SMARCE1: variants seen among roughly 807,000 people sequenced by gnomAD.
SMARCE1 encodes the protein SWI/SNF-related matrix-associated actin-dependent regulator of chromatin subfamily E member 1.
Under a neutral mutation model 54.9 loss-of-function variants are expected in SMARCE1, and 13 were observed. The ratio of observed to expected loss-of-function variants is 0.24; its 90% CI spans 0.15 to 0.38. The LOEUF (loss-of-function observed/expected upper bound fraction) is 0.38. Among genes scored for constraint, SMARCE1 ranks in the 10% least tolerant of loss-of-function variants. SMARCE1 has a pLI of 1.00. For synonymous variants in SMARCE1, 151 were observed against 175.3 expected, an observed-to-expected ratio of 0.86 and a Z score of 1.10; for missense variants, 295 against 523.8, an observed-to-expected ratio of 0.56 and a Z score of 4.26.
At position 40,642,442 on chromosome 17, in the gene SMARCE1, T is replaced by G. The variant is rs1334274303; in HGVS notation, c.156+13A>C. On this transcript the variant is annotated intron_variant, in intron 4 of 10. Transcript: ENST00000348513. This position sits in a 1 kb window ranked among gnomAD's most constrained non-coding sequence, Gnocchi z 4.6. The stretch of plus-strand genomic sequence containing the variant: ...AGTTGTTTGCCGGATGCTGTAATAG[T>G]TGATTCTCCTACCGTGACCCGGCTG... 6.7e-7 allele frequency: 1 copy of G among 1,484,694 alleles called. No individual in the cohort carries two copies. The highest frequency in any genetic ancestry group is 1.7e-5 in the Admixed American group (1 of 59,870). 92.0% of individuals were successfully genotyped at this position (1,484,694 alleles called of 1,614,324 possible). A position where few individuals can be genotyped will look rare whatever the true frequency, so the allele number is the denominator to read the frequency against.
At chr17:40,633,515 A>T (rs1320792554) in intron 7 of SMARCE1, 2 of 152,068 alleles carry the variant, frequency 1.3e-5, no homozygotes, top group African/African-American at 4.8e-5. Flanking sequence ...CCACTTAATC[A>T]CCTCAGTGAC....
Position 40,644,703 on chromosome 17 carries a change from C to T in SMARCE1, c.51+873G>A, listed in dbSNP as rs573958500. 59 of 151,988 alleles carry T rather than the reference C, an allele frequency of 3.9e-4. 1 individual carries two copies. The highest frequency in any genetic ancestry group is 1.6e-3 in the Admixed American group (24 of 15,286). The allele number at this position is 151,988 out of a possible 1,614,324, so 9.4% of individuals were successfully genotyped here. A position where few individuals can be genotyped will look rare whatever the true frequency, so the allele number is the denominator to read the frequency against. On this transcript the variant is annotated intron_variant, in intron 3 of 10. Coordinates refer to ENST00000348513, the MANE Select transcript of SMARCE1 (RefSeq NM_003079.5). ...TTAGTAAATATGAGTAGTTTTTTAGCGGAGAAAACTAAGTTACACAAGGAC... is the reference window on the plus strand; with the variant it reads ...TTAGTAAATATGAGTAGTTTTTTAGTGGAGAAAACTAAGTTACACAAGGAC...
chr17:40,637,749 A>G, intron 4 of SMARCE1, 177 bp from the exon 5 acceptor site: 1 of 590,034 alleles, frequency 1.7e-6, no homozygotes, highest in Non-Finnish European at 3.0e-6. Context: ...GACTTTAAGC[A>G]CATAATTTTT....
At chr17:40,643,688 A>T (rs1255385620) in intron 3 of SMARCE1, 1 of 152,242 alleles carries the variant, frequency 6.6e-6, no homozygotes, top group African/African-American at 2.4e-5. Flanking sequence ...CACTTAACAC[A>T]TTCCAACTAA....
In SMARCE1 at chr17:40,625,514, G is replaced by C. The variant is rs2037026356; in HGVS notation, c.*3271C>G. The stretch of plus-strand genomic sequence containing the variant: ...GGGAGACCATGTGTGGTAGTGCTTG[G>C]GGGTGGAGGGAAACTATTTCTGAAA... On this transcript the variant is annotated 3_prime_UTR_variant, in exon 11 of 11. Coordinates refer to ENST00000348513, the MANE Select transcript of SMARCE1 (RefSeq NM_003079.5). The C allele has an allele frequency of 6.6e-6, 1 of 152,206 alleles. No homozygotes were observed. Among genetic ancestry groups the C allele is most frequent in the African/African-American group, 2.4e-5 (1 of 41,436 alleles). 9.4% of individuals were successfully genotyped at this position (152,206 alleles called of 1,614,324 possible).
At chr17:40,646,265 A>C (rs549579091) in intron 1 of SMARCE1, among the ~76,000 whole-genome samples, 1 of 152,362 alleles carries the variant, frequency 6.6e-6, no homozygotes, top group South Asian at 2.1e-4. Flanking sequence ...TTTTGGGATA[A>C]CAATTTTTAT....
rs7224919 is a variant in SMARCE1 at position 40,626,091 on chromosome 17, G to A, written c.*2694C>T. 0.45 allele frequency: 67,626 copies of A among 151,840 alleles called. 15,407 individuals carry two copies. Among genetic ancestry groups the A allele is most frequent in the Non-Finnish European group, 0.51 (34,959 of 67,926 alleles). 9.4% of individuals were successfully genotyped at this position (151,840 alleles called of 1,614,324 possible). On this transcript the variant is annotated 3_prime_UTR_variant, in exon 11 of 11. Transcript: ENST00000348513. ...AAAATACAAAAATTAGCCGGGCGTG[G>A]TGGCGGGCGCCTGTAATCCCAGCTA...
chr17:40,636,915 TATA>T (rs998333661), intron 5 of SMARCE1: 7 of 162,592 alleles, frequency 4.3e-5, no homozygotes, highest in African/African-American at 1.7e-4. Context: ...CAAATACAAA[TATA>T]ATAGTCAAGA....
At position 40,627,878 on chromosome 17, in the gene SMARCE1, T is replaced by C. The variant is rs2037051329; in HGVS notation, c.*907A>G. Reference sequence around the variant, plus strand: ...CTAAGTTTATCAAAAAGGTGGGCTCTGGTCTATGGGATCCTGAGCCTTGAG... The same window carrying C: ...CTAAGTTTATCAAAAAGGTGGGCTCCGGTCTATGGGATCCTGAGCCTTGAG... On this transcript the variant is annotated 3_prime_UTR_variant, in exon 11 of 11. Transcript: ENST00000348513. 6.5e-6 allele frequency: 1 copy of C among 152,686 alleles called. No homozygotes were observed. Among genetic ancestry groups the C allele is most frequent in the African/African-American group, 2.4e-5 (1 of 41,470 alleles). 9.5% of individuals were successfully genotyped at this position (152,686 alleles called of 1,614,324 possible).
At chr17:40,630,639 A>T (rs2037083783) in intron 10 of SMARCE1, 75 bp downstream of exon 10, 2 of 1,251,656 alleles carry the variant, frequency 1.6e-6, no homozygotes, top group Non-Finnish European at 2.3e-6. Flanking sequence ...ACTTGCACTT[A>T]GAAAGAAAAA....
chr17:40,639,724 AC>A (rs1477383392), intron 4 of SMARCE1, among the ~76,000 whole-genome samples: 1 of 152,132 alleles, frequency 6.6e-6, no homozygotes, highest in Non-Finnish European at 1.5e-5. Flanking sequence ...ATCATTACAC[AC>A]CTCCAATTTA....
At chr17:40,638,950 AG>A (rs1386826657) in intron 4 of SMARCE1, among the ~76,000 whole-genome samples, 1 of 152,160 alleles carries the variant, frequency 6.6e-6, no homozygotes, top group African/African-American at 2.4e-5. Context: ...ACTATGATCA[AG>A]AAATGTTTCC....
intron 1 of SMARCE1, chr17:40,647,379 G>GCT (rs1433711814): frequency 6.6e-6 from 1 of 152,462 alleles, no homozygotes; most frequent in Non-Finnish European, 1.5e-5. Context: ...CTATTTCAGA[G>GCT]CTCTGCTCGT....
rs1567844002 is a variant in SMARCE1, at chr17:40,626,867, G to GCCA, written c.*1917_*1918insTGG. 2.3e-4 allele frequency: 5 copies of GCCA among 22,166 alleles called. No individual in the cohort carries two copies. The highest frequency in any genetic ancestry group is 2.4e-3 in the East Asian group (1 of 422). 1.4% of individuals were successfully genotyped at this position (22,166 alleles called of 1,614,324 possible). A position where few individuals can be genotyped will look rare whatever the true frequency, so the allele number is the denominator to read the frequency against. Reference sequence around the variant, plus strand: ...TCCAACCTGGGCGACAGATTGAGACGTCTCCCATCTGACTTAATTCCCTCA... The same window carrying GCCA: ...TCCAACCTGGGCGACAGATTGAGACGCCATCTCCCATCTGACTTAATTCCCTCA... On this transcript the variant is annotated 3_prime_UTR_variant, in exon 11 of 11. Coordinates refer to ENST00000348513, the MANE Select transcript of SMARCE1 (RefSeq NM_003079.5).
At position 40,635,955 on chromosome 17, in the gene SMARCE1, T is replaced by C. The variant is rs2037142228; in HGVS notation, c.517A>G (p.Ile173Val). 6 of 1,589,014 alleles carry C rather than the reference T, an allele frequency of 3.8e-6. No individual in the cohort carries two copies. The highest frequency in any genetic ancestry group is 1.4e-5 in the African/African-American group (1 of 73,808). Residue 173 changes from isoleucine (I) to valine (V), a missense_variant, in exon 7 of 11, where the codon ATT becomes GTT. Around this residue, in one of 5 missense-constraint regions of SMARCE1, gnomAD observed 101 missense variants for 183.1 expected, o/e 0.55. Transcript: ENST00000348513. ...RMEKGEPYMSIQPAEDPDDYD... is the reference protein window; with the variant it reads ...RMEKGEPYMSVQPAEDPDDYD... Reference sequence around the variant, plus strand: ...CCATCTGGATCTTCAGCAGGCTGAATGCTCATGTACGGTTCTCCTTTCTCC... The same window carrying C: ...CCATCTGGATCTTCAGCAGGCTGAACGCTCATGTACGGTTCTCCTTTCTCC...
intron 5 of SMARCE1, 110 bp from the exon 6 acceptor site, chr17:40,636,636 T>A: frequency 1.2e-6 from 1 of 846,932 alleles, no homozygotes; most frequent in South Asian, 1.7e-5. Flanking sequence ...GAAAACAGTA[T>A]CAAATTTCTA....
At chr17:40,639,539 T>C (rs2037177228) in intron 4 of SMARCE1, among the ~76,000 whole-genome samples, 1 of 152,208 alleles carries the variant, frequency 6.6e-6, no homozygotes, top group Admixed American at 6.5e-5. Context: ...AATCACATTT[T>C]ATATTAATGG....
At chr17:40,637,623 C>T (rs762082790) in intron 4 of SMARCE1, 51 bp from the exon 5 acceptor site, 5 of 1,425,990 alleles carry the variant, frequency 3.5e-6, no homozygotes, top group African/African-American at 2.8e-5. Context: ...AGTTCACTGG[C>T]AAACTGAAAA....
intron 10 of SMARCE1, 141 bp downstream of exon 10, chr17:40,630,573 T>C (rs1311640233): frequency 2.8e-6 from 2 of 712,272 alleles, no homozygotes; most frequent in Non-Finnish European, 5.0e-6. Context: ...ATACTGAATG[T>C]CAATATCATG....
Sources: gnomAD v4.1 joint callset for allele counts (sites outside exome capture counted in the v4.1 genomes callset) on GRCh38, gnomAD v4.1.1 for gene constraint, gnomAD v4.1.1 regional missense constraint, Gnocchi (gnomAD v3.1) non-coding constraint, MANE v1.5 for transcripts, NCBI Gene and HGNC (gene_info 2026-07-23, HGNC 2026-07-21) for gene names.